ANKRD16: variants seen among roughly 807,000 people sequenced by gnomAD.
ANKRD16 encodes ankyrin repeat domain-containing protein 16.
Under a neutral mutation model 37.9 loss-of-function variants are expected in ANKRD16, and 35 were observed. The ratio of observed to expected loss-of-function variants is 0.92; its 90% CI spans 0.71 to 1.23. ANKRD16 has a LOEUF of 1.23. Ranked by LOEUF, ANKRD16 falls within the 50% of genes most tolerant of loss-of-function variation. ANKRD16 has a pLI of 0.00. For missense variants in ANKRD16, 480 were observed against 469.9 expected, an observed-to-expected ratio of 1.02 and a Z score of -0.20; for synonymous variants, 206 against 197.2, an observed-to-expected ratio of 1.04 and a Z score of -0.37.
At position 5,878,263 on chromosome 10, in the gene ANKRD16, T is replaced by C. The variant is rs1048961558; in HGVS notation, c.953A>G (p.Gln318Arg). The C allele has an allele frequency of 1.2e-6, 2 of 1,613,930 alleles. No homozygotes were observed. The highest frequency in any genetic ancestry group is 1.3e-5 in the African/African-American group (1 of 74,942). Residue 318 changes from glutamine to arginine, a missense_variant, in exon 7 of 8, where the codon CAG (glutamine) becomes CGG (arginine). Gln to Arg is a conservative substitution (Grantham distance 43). Coordinates refer to ENST00000380094, the MANE Select transcript of ANKRD16 (RefSeq NM_019046.3). The surrounding 1 kb of genome is among the most constrained non-coding windows in gnomAD (Gnocchi z 5.1). ...RSALHLACAG[Q>R]HLACAKFLLQ... ...GAGAAACTTGGCACAGGCCAAGTGC[T>C]GACCTGCACAGGCCAGATGCAGGGC...
chr10:5,884,156 C>T (rs1842373000), intron 3 of ANKRD16, 79 bp from the exon 4 acceptor site: 24 of 1,056,386 alleles, frequency 2.3e-5, no homozygotes, highest in Non-Finnish European at 3.4e-5. Context: ...TGATCACCTG[C>T]AGGTGAACTG....
chr10:5,862,432 C>T lies in ANKRD16; in HGVS notation c.*293G>A. The stretch of plus-strand genomic sequence containing the variant: ...TGTGGCTGGTCAGTTTCACTATCAT[C>T]CTCAGACTCTTCCAGTCAATGGTTG... On this transcript the variant is annotated 3_prime_UTR_variant, in exon 8 of 8. Coordinates refer to ENST00000380094, the MANE Select transcript of ANKRD16 (RefSeq NM_019046.3). The surrounding 1 kb of genome is among the most constrained non-coding windows in gnomAD (Gnocchi z 6.5). The T allele has an allele frequency of 2.3e-6, 1 of 436,066 alleles. No homozygotes were observed. Among genetic ancestry groups the T allele is most frequent in the East Asian group, 7.0e-5 (1 of 14,328 alleles). 27.0% of individuals were successfully genotyped at this position (436,066 alleles called of 1,614,324 possible).
chr10:5,885,364 A>T (rs7096322), intron 3 of ANKRD16, among the ~76,000 whole-genome samples: 4,841 of 152,012 alleles, frequency 0.032, 243 homozygotes, highest in African/African-American at 0.11. Flanking sequence ...TTGAATTTTT[A>T]GTAGAGACAG....
rs1353814550 is a variant in ANKRD16 at position 5,868,662 on chromosome 10, C to G, written c.*34-5971G>C. 6.6e-6 allele frequency among the ~76,000 whole-genome samples: 1 copy of G among 152,174 alleles called. No homozygotes were observed. The highest frequency in any genetic ancestry group is 1.9e-4 in the East Asian group (1 of 5,188). On this transcript the variant is annotated intron_variant, in intron 7 of 7. Transcript: ENST00000380094. The surrounding 1 kb of genome is among the most constrained non-coding windows in gnomAD (Gnocchi z 4.9). ...CCAGCAGCGGCAACCCACTCGGGTC[C>G]CCTTCCACGCTGTGGAAGCTTTGTT...
chr10:5,867,832 A>T (rs1419416200), intron 7 of ANKRD16, among the ~76,000 whole-genome samples: 1 of 152,226 alleles, frequency 6.6e-6, no homozygotes, highest in Non-Finnish European at 1.5e-5. Context: ...CTATCCAGTA[A>T]GGATAGTAAC....
rs568872922 is a variant in ANKRD16 at position 5,865,581 on chromosome 10, G to A, written c.*34-2890C>T. 3.3e-5 allele frequency among the ~76,000 whole-genome samples: 5 copies of A among 152,328 alleles called. No homozygotes were observed. The highest frequency in any genetic ancestry group is 2.1e-4 in the South Asian group (1 of 4,828). On this transcript the variant is annotated intron_variant, in intron 7 of 7. Transcript: ENST00000380094. The surrounding 1 kb of genome is among the most constrained non-coding windows in gnomAD (Gnocchi z 4.7). The stretch of plus-strand genomic sequence containing the variant: ...TCCCAGACAGCTGTCCTCAAGGTCT[G>A]TTACCATCCAAGGAATCCTGGGACA...
At chr10:5,883,738 T>C (rs1842361089) in intron 4 of ANKRD16, among the ~76,000 whole-genome samples, 2 of 152,240 alleles carry the variant, frequency 1.3e-5, no homozygotes, top group South Asian at 4.1e-4. Flanking sequence ...GCTAACTGCT[T>C]TATGTACATT....
Position 5,889,365 on chromosome 10 carries a change from C to A in ANKRD16, c.-11G>T. ...CCCGGGCTGGGCCATCGCCGCGGGT[C>A]GGGCCGGGCTGCGCGGGGAGGCGGC... On this transcript the variant is annotated 5_prime_UTR_variant, in exon 1 of 8. Coordinates refer to ENST00000380094, the MANE Select transcript of ANKRD16 (RefSeq NM_019046.3). 3.3e-6 allele frequency: 4 copies of A among 1,211,172 alleles called. No homozygotes were observed. The South Asian group carries it at 1.2e-4, about 37-fold the overall frequency. The allele number at this position is 1,211,172 out of a possible 1,614,324, so 75.0% of individuals were successfully genotyped here. A position where few individuals can be genotyped will look rare whatever the true frequency, so the allele number is the denominator to read the frequency against.
chr10:5,884,007 G>A lies in ANKRD16; in HGVS notation c.649C>T (p.His217Tyr), dbSNP rs530793145. Residue 217 changes from histidine to tyrosine, a missense_variant, in exon 4 of 8, where the codon CAC becomes TAC. His to Tyr is a moderately conservative substitution (Grantham distance 83). Transcript: ENST00000380094. ...TALMDAIQCG[H>Y]IDVARLLLDE... ...AGGAGCAGCCTAGCGACGTCGATGT[G>A]CCCACACTGGATTGCGTCCATCAAG... 3 of 1,614,124 alleles carry A rather than the reference G, an allele frequency of 1.9e-6. No individual in the cohort carries two copies. The highest frequency in any genetic ancestry group is 3.3e-5 in the Admixed American group (2 of 60,030).
Position 5,862,116 on chromosome 10 carries a change from G to A in ANKRD16, c.*609C>T, listed in dbSNP as rs537868576. On this transcript the variant is annotated 3_prime_UTR_variant, in exon 8 of 8. Transcript: ENST00000380094. The surrounding 1 kb of genome is among the most constrained non-coding windows in gnomAD (Gnocchi z 6.5). ...GACGGGGTTTCACCACGTTAGCCAG[G>A]ATGGTCTCGATCTCCTGACCTCATG... 5.5e-6 allele frequency: 1 copy of A among 180,490 alleles called. No homozygotes were observed. Among genetic ancestry groups the A allele is most frequent in the South Asian group, 1.1e-4 (1 of 8,880 alleles). The allele number at this position is 180,490 out of a possible 1,614,324, so 11.2% of individuals were successfully genotyped here.
intron 4 of ANKRD16, among the ~76,000 whole-genome samples, chr10:5,883,384 G>C (rs1842352822): frequency 6.6e-6 from 1 of 152,194 alleles, no homozygotes; most frequent in Admixed American, 6.5e-5. Context: ...CACAATCTTG[G>C]CTCACTACAA....
intron 4 of ANKRD16, 113 bp from the exon 5 acceptor site, chr10:5,883,280 T>C (rs1274071958): frequency 2.1e-5 from 22 of 1,066,770 alleles, no homozygotes; most frequent in Non-Finnish European, 2.9e-5. Flanking sequence ...CACAACTCTC[T>C]GGGCAGAGGA....
rs147314702 is a variant in ANKRD16 at position 5,889,237 on chromosome 10, G to C, written c.118C>G (p.Leu40Val). The C allele has an allele frequency of 2.9e-5, 45 of 1,551,862 alleles. No individual in the cohort carries two copies. The highest frequency in any genetic ancestry group is 3.8e-5 in the Non-Finnish European group (44 of 1,158,790). ...CCGTGGCGCGCGGCGCAGTGCAGGA[G>C]GGTATCCCCGGCCGGCCCCGGGCAG... ...GGCPGPAGDT[L>V]LHCAARHGHR... is the part of the protein sequence containing the mutation. Residue 40 changes from leucine (L) to valine (V), a missense_variant, in exon 1 of 8, where the codon CTC becomes GTC. Leu to Val is a conservative substitution (Grantham distance 32). Transcript: ENST00000380094.
chr10:5,862,506 T>G lies in ANKRD16; in HGVS notation c.*219A>C, dbSNP rs933029100. 3.3e-6 allele frequency: 3 copies of G among 902,410 alleles called. No individual in the cohort carries two copies. Among genetic ancestry groups the G allele is most frequent in the Non-Finnish European group, 1.6e-6 (1 of 644,282 alleles). The allele number at this position is 902,410 out of a possible 1,614,324, so 55.9% of individuals were successfully genotyped here. A position where few individuals can be genotyped will look rare whatever the true frequency, so the allele number is the denominator to read the frequency against. On this transcript the variant is annotated 3_prime_UTR_variant, in exon 8 of 8. Coordinates refer to ENST00000380094, the MANE Select transcript of ANKRD16 (RefSeq NM_019046.3). The surrounding 1 kb of genome is among the most constrained non-coding windows in gnomAD (Gnocchi z 6.5). ...TGGAGACAGACCCAGGGAGCTGACC[T>G]TGGGGGCCAGTGCAGATGTGGCACT...
rs1842376084 is a variant in ANKRD16, at chr10:5,884,286, C to T, written c.579-209G>A. ...CTTCCCTAGCAGACCTGCTGCTCCTCTAACCTTCTCCATCCCATTTGACAG... is the reference window on the plus strand; with the variant it reads ...CTTCCCTAGCAGACCTGCTGCTCCTTTAACCTTCTCCATCCCATTTGACAG... On this transcript the variant is annotated intron_variant, in intron 3 of 7. Transcript: ENST00000380094. Among the ~76,000 whole-genome samples, 3 of 152,258 alleles carry T rather than the reference C, an allele frequency of 2.0e-5. 1 individual carries two copies. In the South Asian group the frequency reaches 6.2e-4, roughly 31 times the overall value.
chr10:5,888,394 C>T (rs1298515231), intron 1 of ANKRD16, among the ~76,000 whole-genome samples: 1 of 152,182 alleles, frequency 6.6e-6, no homozygotes, highest in African/African-American at 2.4e-5. Context: ...CAACACATAA[C>T]GAAGTCTATT....
chr10:5,874,625 C>A lies in ANKRD16; in HGVS notation c.*33+3472G>T, dbSNP rs139812115. ...GTTGGGTGAGCTGTGATGCCACCAA[C>A]CAAGGCAGGAATGCAGGCCTGTATG... is the stretch of plus-strand genomic sequence containing the variant. On this transcript the variant is annotated intron_variant, in intron 7 of 7. Coordinates refer to ENST00000380094, the MANE Select transcript of ANKRD16 (RefSeq NM_019046.3). The surrounding 1 kb of genome is among the most constrained non-coding windows in gnomAD (Gnocchi z 4.7). Among the ~76,000 whole-genome samples the A allele has an allele frequency of 1.8e-4, 28 of 152,282 alleles. No individual in the cohort carries two copies. The East Asian group carries it at 5.2e-3, about 28-fold the overall frequency.
In ANKRD16 at chr10:5,870,043, T is replaced by G. The variant is rs914177489; in HGVS notation, c.*34-7352A>C. 1.3e-5 allele frequency among the ~76,000 whole-genome samples: 2 copies of G among 152,152 alleles called. No homozygotes were observed. Among genetic ancestry groups the G allele is most frequent in the African/African-American group, 4.8e-5 (2 of 41,424 alleles). The stretch of plus-strand genomic sequence containing the variant: ...AGGAATCTGCATTTTAACAAGACTC[T>G]AGTTGCTTCGTACAGACATTAGACT... On this transcript the variant is annotated intron_variant, in intron 7 of 7. Transcript: ENST00000380094. The surrounding 1 kb of genome is among the most constrained non-coding windows in gnomAD (Gnocchi z 5.0).
rs946085345 is a variant in ANKRD16, at chr10:5,866,026, G to C, written c.*34-3335C>G. ...CTGTTTATGGGTAGTTGCAGCGGTGGCCGTCTCAGTGTTAGAGGCTATCAA... is the reference window on the plus strand; with the variant it reads ...CTGTTTATGGGTAGTTGCAGCGGTGCCCGTCTCAGTGTTAGAGGCTATCAA... On this transcript the variant is annotated intron_variant, in intron 7 of 7. Transcript: ENST00000380094. The surrounding 1 kb of genome is among the most constrained non-coding windows in gnomAD (Gnocchi z 4.3). Among the ~76,000 whole-genome samples the C allele has an allele frequency of 6.6e-6, 1 of 152,202 alleles. No homozygotes were observed. Among genetic ancestry groups the C allele is most frequent in the Non-Finnish European group, 1.5e-5 (1 of 68,040 alleles).
Sources: gnomAD v4.1 joint callset for allele counts (sites outside exome capture counted in the v4.1 genomes callset) on GRCh38, gnomAD v4.1.1 for gene constraint, Gnocchi (gnomAD v3.1) non-coding constraint, MANE v1.5 for transcripts, NCBI Gene and HGNC (gene_info 2026-07-23, HGNC 2026-07-21) for gene names.